ODAD3: variants seen among roughly 807,000 people sequenced by gnomAD.
The protein encoded by ODAD3 is outer dynein arm-docking complex subunit 3.
A neutral mutation model predicts 70.9 loss-of-function variants in ODAD3; 57 were observed. The ratio of observed to expected loss-of-function variants is 0.80; its 90% CI spans 0.65 to 1.00. The LOEUF (loss-of-function observed/expected upper bound fraction) is 1.00. ODAD3 is among the 50% of genes least tolerant of loss of function. The pLI, the probability that ODAD3 is intolerant of heterozygous loss-of-function variation, is 0.00. For synonymous variants in ODAD3, 327 were observed against 315.9 expected, an observed-to-expected ratio of 1.04 and a Z score of -0.37; for missense variants, 797 against 763.9, an observed-to-expected ratio of 1.04 and a Z score of -0.51.
At chr19:11,435,536 C>A, upstream of ODAD3, 1 of 516,522 alleles carries the variant, frequency 1.9e-6, no homozygotes, top group African/African-American at 2.0e-5. Flanking sequence ...GCTCTGGCAC[C>A]GCCCCCACTC....
Position 11,422,651 on chromosome 19 carries a change from C to A in ODAD3, c.1278-24G>T. On this transcript the variant is annotated intron_variant, in intron 9 of 12. Transcript: ENST00000356392. This position sits in a 1 kb window ranked among gnomAD's most constrained non-coding sequence, Gnocchi z 4.6. ...GGCTGCAGGGAGCCGGGAGGTCACC[C>A]CGGGGGCTCAGCCCGCCCCGCCGCC... The A allele has an allele frequency of 2.5e-6, 4 of 1,605,408 alleles. No individual in the cohort carries two copies. The highest frequency in any genetic ancestry group is 3.4e-6 in the Non-Finnish European group (4 of 1,176,818).
chr19:11,422,805 G>T lies in ODAD3; in HGVS notation c.1173C>A (p.Leu391=). The change falls in exon 9 of 13, where the codon CTC becomes CTA. Residue 391 remains leucine (L), a synonymous_variant. Coordinates refer to ENST00000356392, the MANE Select transcript of ODAD3 (RefSeq NM_145045.5). The surrounding 1 kb of genome is among the most constrained non-coding windows in gnomAD (Gnocchi z 4.6). ...QGDTFAQLET[L]KSENEQTLVR... Reference sequence around the variant, plus strand: ...CCAACGTCTGCTCGTTCTCGCTCTTGAGCGTCTCCAACTGCGCGAAGGTGT... The same window carrying T: ...CCAACGTCTGCTCGTTCTCGCTCTTTAGCGTCTCCAACTGCGCGAAGGTGT... 1 of 1,609,558 alleles carries T rather than the reference G, an allele frequency of 6.2e-7. No individual in the cohort carries two copies.
rs1432199056 is a variant in ODAD3, at chr19:11,426,175, T to C, written c.932A>G (p.Lys311Arg). ...CTCCATGCGCTCGTTCTCCAGTTTCTTCTCCTCGGCGCGCTTCTTGCACTC... is the reference window on the plus strand; with the variant it reads ...CTCCATGCGCTCGTTCTCCAGTTTCCTCTCCTCGGCGCGCTTCTTGCACTC... ...ISECKKRAEEKKLENERMERK... is the reference protein window; with the variant it reads ...ISECKKRAEERKLENERMERK... Residue 311 changes from lysine (K) to arginine (R), a missense_variant, in exon 7 of 13, where the codon AAG becomes AGG. Physicochemically the swap from Lys to Arg is conservative, Grantham distance 26. Transcript: ENST00000356392. 2 of 1,612,734 alleles carry C rather than the reference T, an allele frequency of 1.2e-6. No homozygotes were observed. Among genetic ancestry groups the C allele is most frequent in the Admixed American group, 1.7e-5 (1 of 59,900 alleles).
upstream of ODAD3, chr19:11,435,133 G>T: frequency 6.8e-7 from 1 of 1,462,342 alleles, no homozygotes. Context: ...CTTTCCGACC[G>T]CTAGGTGGTT....
chr19:11,428,688 A>G (rs1418317509), intron 3 of ODAD3, among the ~76,000 whole-genome samples: 5 of 152,068 alleles, frequency 3.3e-5, no homozygotes, highest in Admixed American at 3.3e-4. Flanking sequence ...AGCTGGGACT[A>G]CAATCCTGTG....
chr19:11,425,157 A>ACATATGTATATG (rs1969279890), intron 7 of ODAD3, among the ~76,000 whole-genome samples: 1 of 122,298 alleles, frequency 8.2e-6, no homozygotes, highest in Non-Finnish European at 1.6e-5. Context: ...ATATGTATAT[A>ACATATGTATATG]TACATATGTG....
Position 11,425,351 on chromosome 19 carries a change from G to GTACACA in ODAD3, c.963+792_963+793insTGTGTA, listed in dbSNP as rs1299315762. 9.6e-3 allele frequency among the ~76,000 whole-genome samples: 1,275 copies of GTACACA among 133,184 alleles called. 99 individuals are homozygous for GTACACA. Among genetic ancestry groups the GTACACA allele is most frequent in the African/African-American group, 0.036 (1,210 of 33,536 alleles). 87.4% of individuals were successfully genotyped at this position (133,184 alleles called of 152,430 possible). On this transcript the variant is annotated intron_variant, in intron 7 of 12. Transcript: ENST00000356392. Reference sequence around the variant, plus strand: ...TACATATGTGTATATATGTATATATGTGTATATGTACATATGTGTATATAT... The same window carrying GTACACA: ...TACATATGTGTATATATGTATATATGTACACATGTATATGTACATATGTGTATATAT...
intron 10 of ODAD3, among the ~76,000 whole-genome samples, 153 bp from the exon 11 acceptor site, chr19:11,421,985 C>T (rs1015236170): frequency 1.3e-5 from 2 of 151,648 alleles, no homozygotes; most frequent in Non-Finnish European, 2.9e-5. Context: ...GGACTTAGGT[C>T]AAGGCCACGT....
At chr19:11,424,572 T>G (rs1226773623) in intron 7 of ODAD3, among the ~76,000 whole-genome samples, 1 of 139,398 alleles carries the variant, frequency 7.2e-6, no homozygotes, top group African/African-American at 3.0e-5. Context: ...TATGTATATA[T>G]GTGTATATAT....
rs377295653 is a variant in ODAD3, at chr19:11,423,939, T to C, written c.1054A>G (p.Met352Val). 1.9e-6 allele frequency: 3 copies of C among 1,613,448 alleles called. No individual in the cohort carries two copies. The highest frequency in any genetic ancestry group is 1.7e-5 in the Admixed American group (1 of 59,966). Residue 352 changes from methionine to valine, a missense_variant, in exon 8 of 13, where the codon ATG becomes GTG. By Grantham distance (21) the Met-to-Val change is conservative. Coordinates refer to ENST00000356392, the MANE Select transcript of ODAD3 (RefSeq NM_145045.5). The part of the protein sequence containing the change: ...KEEELRQRWS[M>V]YQMEVIFGKV... ...CCAAAGATCACCTCCATCTGGTACA[T>C]GCTCCAGCGCTGCCGCAGCTCCTCC...
chr19:11,420,891 G>A lies in ODAD3; in HGVS notation c.1732C>T (p.Arg578Cys). ...TGACTTTCGATTAATTTCTGGGAAC[G>A]GATCTTGAGTGATGCGCGGGTCACT... Reference protein sequence around the residue: ...EVVTRASLKIRSQKLIESHKK... With the variant: ...EVVTRASLKICSQKLIESHKK... Residue 578 changes from arginine (R) to cysteine (C), a missense_variant, in exon 13 of 13, where the codon CGT becomes TGT. Transcript: ENST00000356392. 23 of 1,613,972 alleles carry A rather than the reference G, an allele frequency of 1.4e-5. No individual in the cohort carries two copies. The highest frequency in any genetic ancestry group is 1.9e-5 in the Non-Finnish European group (22 of 1,179,972).
rs1039392831 is a variant in ODAD3 at position 11,422,999 on chromosome 19, G to A, written c.1117-138C>T. The A allele has an allele frequency of 1.3e-5, 12 of 921,384 alleles. No individual in the cohort carries two copies. Among genetic ancestry groups the A allele is most frequent in the African/African-American group, 3.3e-5 (2 of 60,000 alleles). 57.1% of individuals were successfully genotyped at this position (921,384 alleles called of 1,614,324 possible). ...CGCCTTTTGCACAGCAATGTATGGG[G>A]ACACTGTGGGTTGGACGCAGGGTTG... On this transcript the variant is annotated intron_variant, in intron 8 of 12. Transcript: ENST00000356392. The surrounding 1 kb of genome is among the most constrained non-coding windows in gnomAD (Gnocchi z 4.6).
intron 12 of ODAD3, 36 bp downstream of exon 12, chr19:11,421,092 C>T (rs752383080): frequency 3.7e-6 from 6 of 1,609,786 alleles, no homozygotes; most frequent in Middle Eastern, 3.3e-4. Context: ...GCTTGGGGCC[C>T]CAACCGCACC....
intron 1 of ODAD3, 53 bp from the exon 2 acceptor site, chr19:11,431,073 T>C: frequency 6.3e-7 from 1 of 1,597,552 alleles, no homozygotes. Flanking sequence ...GGTGCATGGG[T>C]GCAACATCCC....
At chr19:11,435,315 G>C, upstream of ODAD3, 1 of 737,502 alleles carries the variant, frequency 1.4e-6, no homozygotes, top group Non-Finnish European at 2.0e-6. Context: ...CGGAGGGTCT[G>C]GACACTTTGG....
intron 7 of ODAD3, among the ~76,000 whole-genome samples, chr19:11,425,036 T>C (rs1220123016): frequency 1.5e-5 from 2 of 129,784 alleles, no homozygotes; most frequent in Non-Finnish European, 3.0e-5. Context: ...TGTGCATATA[T>C]ACATATGTGT....
intron 1 of ODAD3, among the ~76,000 whole-genome samples, chr19:11,433,208 C>A (rs1969537624): frequency 6.6e-6 from 1 of 152,156 alleles, no homozygotes; most frequent in Non-Finnish European, 1.5e-5. Context: ...GTGGGGTGCT[C>A]TCCTGTGTTT....
chr19:11,422,951 G>T lies in ODAD3; in HGVS notation c.1117-90C>A, dbSNP rs1599453382. On this transcript the variant is annotated intron_variant, in intron 8 of 12. Transcript: ENST00000356392. This position sits in a 1 kb window ranked among gnomAD's most constrained non-coding sequence, Gnocchi z 4.6. The stretch of plus-strand genomic sequence containing the variant: ...TCCCCCACCCTGCGAACCCTCGCAC[G>T]CAGGACAGGTGGCCTGAGCTGGCGC... 5.5e-6 allele frequency: 8 copies of T among 1,452,184 alleles called. No individual in the cohort carries two copies. In the South Asian group the frequency reaches 8.8e-5, roughly 16 times the overall value. The allele number at this position is 1,452,184 out of a possible 1,614,324, so 90.0% of individuals were successfully genotyped here.
chr19:11,424,094 G>T (rs1969206650), intron 7 of ODAD3, 65 bp from the exon 8 acceptor site: 1 of 1,562,428 alleles, frequency 6.4e-7, no homozygotes, highest in Non-Finnish European at 8.7e-7. Flanking sequence ...GGAGGCCGGG[G>T]AGGGGGATCC....
Sources: gnomAD v4.1 joint callset for allele counts (sites outside exome capture counted in the v4.1 genomes callset) on GRCh38, gnomAD v4.1.1 for gene constraint, Gnocchi (gnomAD v3.1) non-coding constraint, MANE v1.5 for transcripts, NCBI Gene and HGNC (gene_info 2026-07-23, HGNC 2026-07-21) for gene names.